The following CFAP299 variants were observed in gnomAD, a reference collection of about 807,000 sequenced individuals.
CFAP299 encodes cilia and flagella associated protein 299.
In CFAP299, 21 loss-of-function variants were observed where a neutral mutation model predicts 27.0. The observed-to-expected ratio is 0.78, with a 90% CI of 0.55 to 1.12. CFAP299 has a LOEUF of 1.12. CFAP299 is among the 50% of genes most tolerant of loss of function. The pLI, the probability that CFAP299 is intolerant of heterozygous loss-of-function variation, is 0.00. For missense variants in CFAP299, 310 were observed against 276.6 expected (o/e 1.12, Z -0.86); for synonymous variants, 104 against 98.1 (o/e 1.06, Z -0.36).
intron 3 of CFAP299, among the ~76,000 whole-genome samples, chr4:80,605,556 A>C (rs1333034569): frequency 6.6e-6 from 1 of 152,184 alleles, no homozygotes; most frequent in Non-Finnish European, 1.5e-5. Context: ...AATGTCAGGA[A>C]TGTGTTTTCA....
intron 3 of CFAP299, among the ~76,000 whole-genome samples, chr4:80,669,891 T>C (rs548305037): frequency 5.3e-5 from 8 of 151,902 alleles, no homozygotes; most frequent in African/African-American, 2.4e-5. Flanking sequence ...TTTTTTATTA[T>C]AAAAAAACCC....
chr4:80,618,328 C>T (rs1428957388), intron 3 of CFAP299, among the ~76,000 whole-genome samples: 1 of 152,092 alleles, frequency 6.6e-6, no homozygotes, highest in Non-Finnish European at 1.5e-5. Context: ...TAAAAATTTT[C>T]TCTCATGAGC....
At chr4:80,860,599 T>C (rs959986583) in intron 3 of CFAP299, among the ~76,000 whole-genome samples, 1 of 152,202 alleles carries the variant, frequency 6.6e-6, no homozygotes, top group Admixed American at 6.5e-5. Context: ...GTGGATGTGC[T>C]TTCTGTTTGT....
intron 2 of CFAP299, among the ~76,000 whole-genome samples, chr4:80,363,480 A>G (rs773956263): frequency 1.3e-5 from 2 of 152,222 alleles, no homozygotes; most frequent in Non-Finnish European, 2.9e-5. Flanking sequence ...AACCTATTTC[A>G]TTTTTAAAAG....
chr4:80,360,414 G>A (rs1723485074), intron 1 of CFAP299, among the ~76,000 whole-genome samples: 1 of 152,198 alleles, frequency 6.6e-6, no homozygotes. Flanking sequence ...GCAAGCAGGA[G>A]TCATGATACT....
At chr4:80,757,663 G>A (rs556057983) in intron 3 of CFAP299, among the ~76,000 whole-genome samples, 16 of 151,940 alleles carry the variant, frequency 1.1e-4, no homozygotes, top group Non-Finnish European at 2.2e-4. Context: ...ATTTCGTTGT[G>A]AAACATTACT....
chr4:80,507,271 A>G (rs1172483541), intron 2 of CFAP299, among the ~76,000 whole-genome samples: 1 of 152,172 alleles, frequency 6.6e-6, no homozygotes, highest in Admixed American at 6.6e-5. Context: ...TAACAGTGAC[A>G]TTTCAGAGTG....
chr4:80,807,620 AC>A (rs879845282), intron 3 of CFAP299, among the ~76,000 whole-genome samples: 3 of 152,074 alleles, frequency 2.0e-5, no homozygotes, highest in Non-Finnish European at 4.4e-5. Context: ...GTACCTTTCA[AC>A]CCTAGGTCAT....
At chr4:80,592,187 C>A (rs1245296196) in intron 3 of CFAP299, among the ~76,000 whole-genome samples, 1 of 152,040 alleles carries the variant, frequency 6.6e-6, no homozygotes, top group Admixed American at 6.5e-5. Flanking sequence ...TTACTGATTG[C>A]AGTGATGTAC....
intron 4 of CFAP299, among the ~76,000 whole-genome samples, chr4:80,910,082 T>C (rs1282827297): frequency 6.6e-6 from 1 of 152,158 alleles, no homozygotes; most frequent in Non-Finnish European, 1.5e-5. Context: ...CCTGTTAGCC[T>C]AGCAAGTTAG....
At chr4:80,769,871 G>A (rs1726111868) in intron 3 of CFAP299, among the ~76,000 whole-genome samples, 2 of 152,150 alleles carry the variant, frequency 1.3e-5, no homozygotes, top group African/African-American at 4.8e-5. Flanking sequence ...TCATTTTCTT[G>A]TAGCTGTCAC....
chr4:80,444,790 G>T (rs1004221213), intron 2 of CFAP299, among the ~76,000 whole-genome samples: 1 of 151,966 alleles, frequency 6.6e-6, no homozygotes, highest in Admixed American at 6.6e-5. Context: ...CTGACAAAGG[G>T]TTAATATCCA....
At chr4:80,934,320 A>G (rs1382623302) in intron 4 of CFAP299, among the ~76,000 whole-genome samples, 2 of 152,066 alleles carry the variant, frequency 1.3e-5, no homozygotes, top group African/African-American at 4.8e-5. Flanking sequence ...GTTTGCTATT[A>G]TTTTGTTGAA....
chr4:80,634,901 T>C (rs1190927104), intron 3 of CFAP299, among the ~76,000 whole-genome samples: 1 of 152,126 alleles, frequency 6.6e-6, no homozygotes, highest in East Asian at 1.9e-4. Context: ...TGCTAACATG[T>C]AAAATGTGGA....
chr4:80,695,337 G>C (rs763242527), intron 3 of CFAP299, among the ~76,000 whole-genome samples: 2 of 152,044 alleles, frequency 1.3e-5, no homozygotes, highest in African/African-American at 2.4e-5. Context: ...GCTTAATTTT[G>C]TTTTTGACCA....
intron 3 of CFAP299, among the ~76,000 whole-genome samples, chr4:80,800,556 ATT>A (rs1728480988): frequency 3.3e-5 from 2 of 60,546 alleles, no homozygotes; most frequent in East Asian, 8.6e-4. Context: ...ATATCAATAT[ATT>A]ATATAATATA....
intron 4 of CFAP299, among the ~76,000 whole-genome samples, chr4:80,916,921 G>A (rs1010733466): frequency 6.6e-6 from 1 of 152,016 alleles, no homozygotes; most frequent in South Asian, 2.1e-4. Context: ...TAGGGAGTCC[G>A]ACAAGGTATT....
chr4:80,656,470 G>T (rs1296446564), intron 3 of CFAP299, among the ~76,000 whole-genome samples: 1 of 152,076 alleles, frequency 6.6e-6, no homozygotes, highest in East Asian at 1.9e-4. Context: ...GTGAGAACAT[G>T]CAGTGTTTGG....
chr4:80,791,375 A>G lies in CFAP299; in HGVS notation c.334-78618A>G, dbSNP rs550798828. Among the ~76,000 whole-genome samples, 8 of 152,180 alleles carry G rather than the reference A, an allele frequency of 5.3e-5. No individual in the cohort carries two copies. The South Asian group carries it at 1.7e-3, about 32-fold the overall frequency. ...CCTTGACTCTCAATCAAGAGGTATT[A>G]TTGGAGATAATGGTGCCTATTCTGA... On this transcript the variant is annotated intron_variant, in intron 3 of 5. Coordinates refer to ENST00000358105, the MANE Select transcript of CFAP299 (RefSeq NM_152770.3).
Sources: allele counts gnomAD v4.1 joint callset (sites outside exome capture counted in the v4.1 genomes callset), GRCh38; gene constraint gnomAD v4.1.1; transcripts MANE v1.5; gene names NCBI Gene and HGNC (gene_info 2026-07-23, HGNC 2026-07-21).